The following ROBO2 variants were observed in gnomAD, a reference collection of about 807,000 sequenced individuals.
The protein encoded by ROBO2 is roundabout guidance receptor 2, also known as roundabout homolog 2.
ROBO2 carries 53 observed loss-of-function variants against 160.8 expected under a neutral mutation model. That is an observed-to-expected ratio of 0.33 (90% CI 0.26 to 0.41). The LOEUF (loss-of-function observed/expected upper bound fraction) is 0.41. Among genes scored for constraint, ROBO2 ranks in the 10% least tolerant of loss-of-function variants. The probability of loss-of-function intolerance (pLI) is 1.00; values close to 1 mark genes in which losing one functional copy is unlikely to be tolerated. For missense variants in ROBO2, 1,577 were observed against 1,722.4 expected (o/e 0.92, Z 1.49); for synonymous variants, 664 against 611.7 (o/e 1.09, Z -1.26).
chr3:76,841,569 T>A (rs932073145), intron 2 of ROBO2, among the ~76,000 whole-genome samples: 3 of 152,192 alleles, frequency 2.0e-5, no homozygotes, highest in African/African-American at 7.2e-5. Context: ...CTTTTTACTG[T>A]ACACGTAATA....
At chr3:77,110,858 C>A (rs2073487893) in intron 2 of ROBO2, among the ~76,000 whole-genome samples, 1 of 151,878 alleles carries the variant, frequency 6.6e-6, no homozygotes, top group Non-Finnish European at 1.5e-5. Flanking sequence ...CAAGCCCAGC[C>A]AATTTTTGTA....
At chr3:76,583,256 A>C (rs1490975651) in intron 2 of ROBO2, among the ~76,000 whole-genome samples, 1 of 152,182 alleles carries the variant, frequency 6.6e-6, no homozygotes, top group Admixed American at 6.5e-5. Context: ...CTGACTCATG[A>C]GTGATGCTTA....
intron 2 of ROBO2, among the ~76,000 whole-genome samples, chr3:76,146,525 C>A (rs551173992): frequency 1.3e-5 from 2 of 151,770 alleles, no homozygotes; most frequent in African/African-American, 4.8e-5. Context: ...TAGATTAGAT[C>A]GGTCCTTTCA....
chr3:76,769,900 C>T (rs988139164), intron 2 of ROBO2, among the ~76,000 whole-genome samples: 1 of 151,460 alleles, frequency 6.6e-6, no homozygotes, highest in African/African-American at 2.4e-5. Flanking sequence ...GTCTTGATAC[C>T]TGTCATTGTG....
chr3:76,939,324 T>C (rs2077992756), intron 2 of ROBO2, among the ~76,000 whole-genome samples: 1 of 152,210 alleles, frequency 6.6e-6, no homozygotes, highest in African/African-American at 2.4e-5. Flanking sequence ...TCTGATTTGG[T>C]AGAATAAATT....
At chr3:76,817,305 A>G (rs1576817307) in intron 2 of ROBO2, among the ~76,000 whole-genome samples, 1 of 152,060 alleles carries the variant, frequency 6.6e-6, no homozygotes, top group East Asian at 1.9e-4. Context: ...TTATCCGTTT[A>G]TTAGGCTGGT....
At chr3:76,840,604 T>C (rs2068137874) in intron 2 of ROBO2, among the ~76,000 whole-genome samples, 1 of 132,766 alleles carries the variant, frequency 7.5e-6, no homozygotes, top group Non-Finnish European at 1.6e-5. Context: ...AGTGAGACTC[T>C]GTCTCAAAAA....
chr3:77,639,581 C>T (rs1354717291), intron 24 of ROBO2, among the ~76,000 whole-genome samples: 2 of 152,172 alleles, frequency 1.3e-5, no homozygotes, highest in East Asian at 3.9e-4. Context: ...GCAAGTGAAG[C>T]TTGAGACTTA....
At chr3:77,174,786 G>C (rs940933058) in intron 2 of ROBO2, among the ~76,000 whole-genome samples, 5 of 151,840 alleles carry the variant, frequency 3.3e-5, no homozygotes, top group African/African-American at 1.2e-4. Context: ...AGCATACCCA[G>C]TTCTCCTCCA....
intron 2 of ROBO2, among the ~76,000 whole-genome samples, chr3:76,159,242 T>C (rs1465613131): frequency 1.3e-5 from 2 of 152,190 alleles, no homozygotes; most frequent in Admixed American, 1.3e-4. Context: ...TGTATTTTTA[T>C]AGGCGCCAAG....
At chr3:77,569,436 T>C (rs2093581902) in intron 13 of ROBO2, among the ~76,000 whole-genome samples, 1 of 152,002 alleles carries the variant, frequency 6.6e-6, no homozygotes, top group African/African-American at 2.4e-5. Context: ...ATCATATTCA[T>C]CTTCTCATGT....
intron 2 of ROBO2, among the ~76,000 whole-genome samples, chr3:76,682,386 C>A (rs1560368360): frequency 6.6e-6 from 1 of 151,012 alleles, no homozygotes; most frequent in African/African-American, 2.4e-5. Context: ...TTGCTGTGAA[C>A]TTAAAACTGT....
intron 2 of ROBO2, among the ~76,000 whole-genome samples, chr3:77,249,896 TG>T (rs201963455): frequency 6.0e-5 from 9 of 151,166 alleles, no homozygotes; most frequent in African/African-American, 9.7e-5. Context: ...TTAGATTTAA[TG>T]GGTTTTTTTT....
intron 2 of ROBO2, among the ~76,000 whole-genome samples, chr3:76,349,926 C>T (rs1283473316): frequency 2.6e-5 from 4 of 151,914 alleles, no homozygotes; most frequent in Non-Finnish European, 4.4e-5. Flanking sequence ...CAGAGGGAGA[C>T]AGTATCTTTA....
chr3:77,114,756 A>AT (rs56123900), intron 2 of ROBO2, among the ~76,000 whole-genome samples: 1 of 152,136 alleles, frequency 6.6e-6, no homozygotes, highest in Non-Finnish European at 1.5e-5. Flanking sequence ...AGAGAAAATA[A>AT]TTTTTTTAAA....
chr3:76,147,864 G>C (rs2071979372), intron 2 of ROBO2, among the ~76,000 whole-genome samples: 1 of 152,022 alleles, frequency 6.6e-6, no homozygotes. Flanking sequence ...CTTCAGACCA[G>C]TTGACATCAG....
intron 2 of ROBO2, among the ~76,000 whole-genome samples, chr3:76,659,917 C>T (rs140727901): frequency 3.5e-4 from 54 of 152,194 alleles, no homozygotes; most frequent in African/African-American, 1.3e-3. Flanking sequence ...AAAATGTTCC[C>T]CAGTAATTAT....
At position 77,112,193 on chromosome 3, in the gene ROBO2, CAAAAAAA is replaced by C. The variant is rs373201643; in HGVS notation, c.388+13871_388+13877del. Among the ~76,000 whole-genome samples, 6 of 68,712 alleles carry C rather than the reference CAAAAAAA, an allele frequency of 8.7e-5. No homozygotes were observed. The South Asian group carries it at 2.1e-3, about 24-fold the overall frequency. 45.1% of individuals were successfully genotyped at this position (68,712 alleles called of 152,430 possible). A position where few individuals can be genotyped will look rare whatever the true frequency, so the allele number is the denominator to read the frequency against. The stretch of plus-strand genomic sequence containing the variant: ...CTGGGTGACAGAGCGAGACTCGTCT[CAAAAAAA>C]AAAAAAAAAAAAAAAAAGGAGAAAG... On this transcript the variant is annotated intron_variant, in intron 2 of 25. Transcript: ENST00000461745.
In ROBO2 at chr3:76,002,745, G is replaced by C. The variant is rs141978702; in HGVS notation, c.109+65143G>C. On this transcript the variant is annotated intron_variant, in intron 2 of 26. Transcript: ENST00000487694. The stretch of plus-strand genomic sequence containing the variant: ...ACTAAAACACCAAGAAACACCCAAA[G>C]CTTCAAGACATTAGGAGAGAGACTT... 1.6e-4 allele frequency among the ~76,000 whole-genome samples: 25 copies of C among 152,214 alleles called. No individual in the cohort carries two copies. In the East Asian group the frequency reaches 4.8e-3, roughly 30 times the overall value.
Sources: allele counts gnomAD v4.1 joint callset (sites outside exome capture counted in the v4.1 genomes callset), GRCh38; gene constraint gnomAD v4.1.1; transcripts MANE v1.5; gene names NCBI Gene and HGNC (gene_info 2026-07-23, HGNC 2026-07-21).